Variants in GRAP2 observed in about 807,000 individuals in gnomAD.
GRAP2 encodes the protein GRB2 related adaptor protein 2, also known as GRB2-related adapter protein 2.
A neutral mutation model predicts 43.5 loss-of-function variants in GRAP2; 31 were observed. The observed-to-expected ratio is 0.71, with a 90% CI of 0.54 to 0.96. The LOEUF is 0.96. Ranked by LOEUF, GRAP2 falls within the 40% of genes least tolerant of loss-of-function variation. GRAP2 has a pLI of 0.00. For synonymous variants in GRAP2, 156 were observed against 164.8 expected (o/e 0.95, Z 0.41); for missense variants, 371 against 424.4 (o/e 0.87, Z 1.11).
At chr22:39,951,921 T>C (rs543647161) in intron 2 of GRAP2, among the ~76,000 whole-genome samples, 1 of 152,126 alleles carries the variant, frequency 6.6e-6, no homozygotes, top group Admixed American at 6.5e-5. Flanking sequence ...ATGGCTGGCA[T>C]TGTGGGATAA....
At chr22:39,923,803 G>C (rs1255423347) in intron 1 of GRAP2, among the ~76,000 whole-genome samples, 2 of 152,174 alleles carry the variant, frequency 1.3e-5, no homozygotes, top group African/African-American at 4.8e-5. Flanking sequence ...TCTACTTCTG[G>C]GAAAGTCACA....
At chr22:39,902,422 C>T (rs2066499164) in intron 1 of GRAP2, among the ~76,000 whole-genome samples, 1 of 152,024 alleles carries the variant, frequency 6.6e-6, no homozygotes, top group Non-Finnish European at 1.5e-5. Flanking sequence ...TTTACAAAAC[C>T]ATCTGCTATT....
At chr22:39,969,894 A>AT (rs1437541734) in intron 7 of GRAP2, among the ~76,000 whole-genome samples, 1 of 152,170 alleles carries the variant, frequency 6.6e-6, no homozygotes, top group Admixed American at 6.5e-5. Flanking sequence ...ATCCTGGGCA[A>AT]CAAGAGCGAA....
chr22:39,958,911 C>A (rs1250077179), intron 3 of GRAP2, among the ~76,000 whole-genome samples: 1 of 152,218 alleles, frequency 6.6e-6, no homozygotes, highest in Non-Finnish European at 1.5e-5. Context: ...AGCCAAACTT[C>A]CCCCTCAGTC....
chr22:39,971,062 A>C lies in GRAP2; in HGVS notation c.971A>C (p.Tyr324Ser). ...AAGCTGGGCCTCTTCCCTGCCAACT[A>C]CGTGGCACCCATGACCCGATAAACT... ...HNKLGLFPANYVAPMTR is the reference protein window; with the variant it reads ...HNKLGLFPANSVAPMTR Residue 324 changes from tyrosine (Y) to serine (S), a missense_variant, in exon 8 of 8, where the codon TAC (tyrosine) becomes TCC (serine). Transcript: ENST00000344138. The C allele has an allele frequency of 1.9e-6, 3 of 1,613,476 alleles. No individual in the cohort carries two copies. Among genetic ancestry groups the C allele is most frequent in the Non-Finnish European group, 2.5e-6 (3 of 1,179,722 alleles).
At chr22:39,909,821 A>T (rs1210192277) in intron 1 of GRAP2, among the ~76,000 whole-genome samples, 1 of 152,220 alleles carries the variant, frequency 6.6e-6, no homozygotes, top group Non-Finnish European at 1.5e-5. Context: ...ATGGTTTAGC[A>T]AGCAGGCATC....
chr22:39,919,144 TA>T (rs1217961646), intron 1 of GRAP2, among the ~76,000 whole-genome samples: 2 of 151,990 alleles, frequency 1.3e-5, no homozygotes, highest in African/African-American at 4.8e-5. Context: ...TCTAAAGAAA[TA>T]AAAATAAAAA....
chr22:39,960,228 G>A, intron 4 of GRAP2, 54 bp downstream of exon 4: 1 of 1,561,824 alleles, frequency 6.4e-7, no homozygotes, highest in Non-Finnish European at 8.8e-7. Flanking sequence ...TAACCTCACA[G>A]AATGCTGAAG....
rs1194310792 is a variant in GRAP2 at position 39,966,006 on chromosome 22, C to T, written c.307C>T (p.Gln103Ter). 6.2e-7 allele frequency: 1 copy of T among 1,614,030 alleles called. No homozygotes were observed. Among genetic ancestry groups the T allele is most frequent in the Non-Finnish European group, 8.5e-7 (1 of 1,179,872 alleles). Residue 103 changes from glutamine to a stop codon, truncating the protein, a stop_gained, in exon 5 of 8, where the codon CAA (glutamine) becomes TAA (stop). Transcript: ENST00000344138. LOFTEE classifies it high-confidence loss of function. ...GATCTCCAGGCATGAGGATGACGTT[C>T]AACACTTCAAGGTCATGCGAGACAA... Reference protein sequence around the residue: ...SISVRHEDDVQHFKVMRDNKG... With the variant: ...SISVRHEDDV
intron 5 of GRAP2, 137 bp from the exon 6 acceptor site, chr22:39,967,905 C>A: frequency 8.9e-7 from 1 of 1,126,976 alleles, no homozygotes; most frequent in Non-Finnish European, 1.2e-6. Flanking sequence ...CATCAATTAT[C>A]TTTTAGCTGC....
chr22:39,926,600 A>G (rs1653964301), intron 1 of GRAP2: 11 of 985,296 alleles, frequency 1.1e-5, no homozygotes, highest in Non-Finnish European at 1.2e-5. Context: ...GAAAAGTCAT[A>G]AAAGCATTCT....
chr22:39,952,280 G>A (rs781199464), intron 2 of GRAP2, among the ~76,000 whole-genome samples: 1 of 152,130 alleles, frequency 6.6e-6, no homozygotes, highest in Non-Finnish European at 1.5e-5. Context: ...ACCCGCCTCA[G>A]CCTCCCAAAG....
chr22:39,959,376 G>A (rs377708392), intron 3 of GRAP2, among the ~76,000 whole-genome samples: 9 of 152,256 alleles, frequency 5.9e-5, no homozygotes, highest in African/African-American at 1.9e-4. Flanking sequence ...TGGATTTTTG[G>A]GGCAGGCCCA....
chr22:39,966,270 A>G, intron 5 of GRAP2, 112 bp downstream of exon 5: 2 of 797,738 alleles, frequency 2.5e-6, no homozygotes, highest in Non-Finnish European at 4.1e-6. Context: ...GTATACTGAA[A>G]GACAGAGCTC....
intron 2 of GRAP2, among the ~76,000 whole-genome samples, chr22:39,951,136 G>A (rs908820805): frequency 4.6e-5 from 7 of 152,094 alleles, no homozygotes; most frequent in African/African-American, 1.7e-4. Context: ...TGATCTACAC[G>A]GCATGTAGAT....
At chr22:39,947,000 C>G (rs1432738749) in intron 1 of GRAP2, 93 bp from the exon 2 acceptor site, 2 of 783,530 alleles carry the variant, frequency 2.6e-6, no homozygotes, top group Non-Finnish European at 4.6e-6. Flanking sequence ...TCTGCCCACT[C>G]TCCTAGGAAC....
intron 2 of GRAP2, among the ~76,000 whole-genome samples, chr22:39,954,411 T>C (rs1202686258): frequency 6.6e-6 from 1 of 152,146 alleles, no homozygotes; most frequent in Admixed American, 6.5e-5. Flanking sequence ...AAAAATTTTT[T>C]TTTTGAGAGA....
upstream of GRAP2, among the ~76,000 whole-genome samples, chr22:39,897,515 C>CTT (rs368180670): frequency 3.3e-3 from 426 of 127,536 alleles, 1 homozygote; most frequent in African/African-American, 4.4e-3. Context: ...AAAGTAGCCT[C>CTT]TTTTTTTTTT....
intron 1 of GRAP2, among the ~76,000 whole-genome samples, chr22:39,922,125 A>C (rs2145590355): frequency 6.6e-6 from 1 of 152,344 alleles, no homozygotes; most frequent in East Asian, 1.9e-4. Context: ...AGGCTGGGCT[A>C]TGCTGTAAAG....
Sources: allele counts gnomAD v4.1 joint callset (sites outside exome capture counted in the v4.1 genomes callset), GRCh38; gene constraint gnomAD v4.1.1; transcripts MANE v1.5; gene names NCBI Gene and HGNC (gene_info 2026-07-23, HGNC 2026-07-21).